Variants in CREM observed in about 807,000 individuals in gnomAD.
The protein encoded by CREM is cAMP-responsive element modulator.
In CREM, 13 loss-of-function variants were observed where a neutral mutation model predicts 37.3. The ratio of observed to expected loss-of-function variants is 0.35; its 90% CI spans 0.23 to 0.55. The LOEUF is 0.55. Among genes scored for constraint, CREM ranks in the 20% least tolerant of loss-of-function variants. CREM has a pLI of 0.88. For synonymous variants in CREM, 124 were observed against 120.2 expected (o/e 1.03, Z -0.21); for missense variants, 296 against 362.3 (o/e 0.82, Z 1.49).
intron 2 of CREM, among the ~76,000 whole-genome samples, chr10:35,145,115 C>T (rs1477565401): frequency 2.7e-5 from 4 of 146,568 alleles, no homozygotes; most frequent in African/African-American, 5.1e-5. Flanking sequence ...GAGTCCAGAT[C>T]GCGCCACTGC....
chr10:35,129,797 T>C (rs2088948530), intron 1 of CREM, among the ~76,000 whole-genome samples: 1 of 152,250 alleles, frequency 6.6e-6, no homozygotes, highest in Non-Finnish European at 1.5e-5. Flanking sequence ...AATTTTATTG[T>C]TTCTACTTAA....
At chr10:35,163,230 T>TA (rs1227519330) in intron 3 of CREM, among the ~76,000 whole-genome samples, 7 of 150,404 alleles carry the variant, frequency 4.7e-5, no homozygotes, top group Non-Finnish European at 7.4e-5. Context: ...AAAACAAAAA[T>TA]AAAAAAAAAT....
Position 35,211,383 on chromosome 10 carries a change from C to T in CREM, c.885C>T (p.Cys295=). 1.2e-6 allele frequency: 2 copies of T among 1,613,486 alleles called. No individual in the cohort carries two copies. Among genetic ancestry groups the T allele is most frequent in the Non-Finnish European group, 1.7e-6 (2 of 1,179,734 alleles). The change falls in exon 8 of 8, where the codon TGC becomes TGT. Residue 295 remains cysteine, a synonymous_variant. Coordinates refer to ENST00000685392, the MANE Select transcript of CREM (RefSeq NM_183011.2). Reference sequence around the variant, plus strand: ...TCAAGGCCCTCAAAGATCTTTATTGCCATAAAGTAGAGTAACTGTCTTTGA... The same window carrying T: ...TCAAGGCCCTCAAAGATCTTTATTGTCATAAAGTAGAGTAACTGTCTTTGA... The part of the protein sequence containing the change: ...EELKALKDLY[C]HKVE
chr10:35,130,320 T>C (rs181693597), intron 1 of CREM, among the ~76,000 whole-genome samples: 59 of 152,294 alleles, frequency 3.9e-4, no homozygotes, highest in Non-Finnish European at 6.6e-4. Context: ...TTTAAATGTC[T>C]TTTGCAATGG....
At chr10:35,176,033 C>T (rs1423393843) in intron 3 of CREM, 1 of 1,525,896 alleles carries the variant, frequency 6.6e-7, no homozygotes. Flanking sequence ...TTGTCTTTGA[C>T]TTTCTTGAGC....
chr10:35,195,400 C>T (rs1432135415), intron 6 of CREM, among the ~76,000 whole-genome samples: 6 of 152,024 alleles, frequency 3.9e-5, no homozygotes, highest in African/African-American at 1.4e-4. Context: ...GTGATTGTTT[C>T]TTTGCTCAAT....
intron 2 of CREM, among the ~76,000 whole-genome samples, chr10:35,139,947 C>T (rs2091202779): frequency 1.3e-5 from 2 of 152,090 alleles, no homozygotes; most frequent in South Asian, 4.2e-4. Context: ...GTGCTTGACC[C>T]ATGTTGAGCA....
intron 1 of CREM, among the ~76,000 whole-genome samples, chr10:35,131,641 A>T (rs1167009154): frequency 6.6e-6 from 1 of 152,194 alleles, no homozygotes; most frequent in African/African-American, 2.4e-5. Flanking sequence ...ATGTTTCTGC[A>T]CTTAGAAAGA....
intron 7 of CREM, among the ~76,000 whole-genome samples, chr10:35,207,514 G>A (rs564099055): frequency 4.5e-4 from 69 of 151,978 alleles, no homozygotes; most frequent in East Asian, 3.5e-3. Context: ...AGTGGCTCCC[G>A]CCTGTAATCC....
intron 1 of CREM, among the ~76,000 whole-genome samples, chr10:35,130,338 A>G (rs2089119616): frequency 6.6e-6 from 1 of 152,314 alleles, no homozygotes; most frequent in Non-Finnish European, 1.5e-5. Flanking sequence ...TGGGAACTCC[A>G]CAATAAAGAC....
At chr10:35,129,201 A>G (rs1023044690) in intron 1 of CREM, among the ~76,000 whole-genome samples, 2 of 152,242 alleles carry the variant, frequency 1.3e-5, no homozygotes, top group East Asian at 3.8e-4. Context: ...TTTTGTGTAC[A>G]TATTTTGGTG....
chr10:35,134,111 A>G (rs1480814854), intron 1 of CREM, among the ~76,000 whole-genome samples: 2 of 146,630 alleles, frequency 1.4e-5, no homozygotes, highest in Admixed American at 6.9e-5. Flanking sequence ...CAATGGTGCT[A>G]TCTCGGCTCA....
At chr10:35,167,089 C>T (rs553559371) in intron 3 of CREM, among the ~76,000 whole-genome samples, 3 of 152,108 alleles carry the variant, frequency 2.0e-5, no homozygotes, top group Non-Finnish European at 2.9e-5. Context: ...TGCAGTGAGC[C>T]GAGATCGCAC....
chr10:35,158,809 G>GT (rs1320223245), intron 3 of CREM, among the ~76,000 whole-genome samples: 29 of 69,510 alleles, frequency 4.2e-4, no homozygotes, highest in African/African-American at 1.1e-3. Context: ...TTTTTTTTTT[G>GT]TTGTTTTGTT....
chr10:35,142,724 C>T (rs757898219), intron 2 of CREM, among the ~76,000 whole-genome samples: 9 of 152,240 alleles, frequency 5.9e-5, no homozygotes, highest in Non-Finnish European at 1.2e-4. Flanking sequence ...TTCCATCTCA[C>T]CCTCCTGAGT....
At chr10:35,190,659 G>C (rs2094870827) in intron 6 of CREM, among the ~76,000 whole-genome samples, 1 of 151,888 alleles carries the variant, frequency 6.6e-6, no homozygotes, top group South Asian at 2.1e-4. Flanking sequence ...CCAATGATGA[G>C]ACTGCATTAA....
At chr10:35,166,134 A>T (rs2093540276) in intron 3 of CREM, among the ~76,000 whole-genome samples, 1 of 152,246 alleles carries the variant, frequency 6.6e-6, no homozygotes, top group Admixed American at 6.5e-5. Flanking sequence ...AAGATAATGG[A>T]TAGTAAATAT....
chr10:35,182,019 TCTGC>T (rs1171069858), intron 5 of CREM, among the ~76,000 whole-genome samples: 2 of 152,238 alleles, frequency 1.3e-5, no homozygotes, highest in African/African-American at 4.8e-5. Context: ...GTATGTACAG[TCTGC>T]AGGTAAAAAT....
intron 3 of CREM, among the ~76,000 whole-genome samples, chr10:35,174,798 G>T (rs543841491): frequency 6.6e-6 from 1 of 152,212 alleles, no homozygotes; most frequent in Non-Finnish European, 1.5e-5. Flanking sequence ...TGAGTCCAGA[G>T]GAGTGGTTAG....
Sources: allele counts gnomAD v4.1 joint callset (sites outside exome capture counted in the v4.1 genomes callset), GRCh38; gene constraint gnomAD v4.1.1; transcripts MANE v1.5; gene names NCBI Gene and HGNC (gene_info 2026-07-23, HGNC 2026-07-21).